ARSB: variants seen among roughly 807,000 people sequenced by gnomAD.
ARSB encodes arylsulfatase B, also known as N-acetylgalactosamine-4-sulfatase.
Under a neutral mutation model 50.9 loss-of-function variants are expected in ARSB, and 41 were observed. The observed-to-expected ratio is 0.81, with a 90% CI of 0.63 to 1.04. ARSB has a LOEUF of 1.04. Among genes scored for constraint, ARSB ranks in the 50% least tolerant of loss-of-function variants. ARSB has a pLI of 0.00. For missense variants in ARSB, 672 were observed against 693.3 expected (o/e 0.97, Z 0.35); for synonymous variants, 269 against 284.8 (o/e 0.94, Z 0.56).
chr5:78,939,514 T>C (rs1010338885), intron 4 of ARSB, among the ~76,000 whole-genome samples: 4 of 152,104 alleles, frequency 2.6e-5, no homozygotes, highest in Non-Finnish European at 2.9e-5. Flanking sequence ...TTCCCACCTA[T>C]GAGTGAGAAC....
chr5:78,897,240 T>C (rs746768518), intron 4 of ARSB, among the ~76,000 whole-genome samples: 7 of 152,214 alleles, frequency 4.6e-5, no homozygotes, highest in Non-Finnish European at 8.8e-5. Flanking sequence ...ATTTTGTAAG[T>C]TGTACAGGAC....
At chr5:78,970,196 A>G (rs1460665822) in intron 1 of ARSB, among the ~76,000 whole-genome samples, 1 of 152,164 alleles carries the variant, frequency 6.6e-6, no homozygotes, top group African/African-American at 2.4e-5. Context: ...CCAACTACAC[A>G]TCTTTGTGGG....
At chr5:78,861,373 G>A (rs570462636) in intron 5 of ARSB, among the ~76,000 whole-genome samples, 1 of 152,154 alleles carries the variant, frequency 6.6e-6, no homozygotes, top group Non-Finnish European at 1.5e-5. Context: ...ATAAAATACT[G>A]GCAAACCGAA....
At chr5:78,870,423 C>T (rs1425890959) in intron 5 of ARSB, among the ~76,000 whole-genome samples, 1 of 115,320 alleles carries the variant, frequency 8.7e-6, no homozygotes, top group Non-Finnish European at 1.9e-5. Flanking sequence ...CAATAAAATA[C>T]TGGCAAACCA....
At chr5:78,816,195 CAGG>C in intron 6 of ARSB, 1 of 1,612,168 alleles carries the variant, frequency 6.2e-7, no homozygotes, top group Non-Finnish European at 8.5e-7. Context: ...ATTTCTAGTC[CAGG>C]AGATTTCTTA....
At chr5:78,813,771 A>C (rs1743898170) in intron 6 of ARSB, among the ~76,000 whole-genome samples, 1 of 152,110 alleles carries the variant, frequency 6.6e-6, no homozygotes, top group Non-Finnish European at 1.5e-5. Context: ...ACAAAAAAAA[A>C]AGCAGTGATT....
intron 4 of ARSB, among the ~76,000 whole-genome samples, chr5:78,953,430 T>C (rs1040552654): frequency 6.6e-6 from 1 of 152,236 alleles, no homozygotes; most frequent in African/African-American, 2.4e-5. Context: ...TCCCAGAGAA[T>C]CCATTATCAT....
intron 6 of ARSB, among the ~76,000 whole-genome samples, chr5:78,807,865 G>A (rs543578282): frequency 6.6e-6 from 1 of 151,926 alleles, no homozygotes; most frequent in African/African-American, 2.4e-5. Context: ...AGGCCGAGGC[G>A]GGCGGATCAC....
chr5:78,841,772 T>A lies in ARSB; in HGVS notation c.1143-2346A>T, dbSNP rs529363795. 2.6e-5 allele frequency among the ~76,000 whole-genome samples: 4 copies of A among 152,282 alleles called. No individual in the cohort carries two copies. In the East Asian group the frequency reaches 7.7e-4, roughly 29 times the overall value. The stretch of plus-strand genomic sequence containing the variant: ...AAGTAAATTTAATACGATGAGATGA[T>A]TTTTTGAAACCAAGCGTTGTGTATA... On this transcript the variant is annotated intron_variant, in intron 5 of 7. Transcript: ENST00000264914.
intron 4 of ARSB, among the ~76,000 whole-genome samples, chr5:78,948,042 C>T (rs922394584): frequency 5.7e-4 from 86 of 152,184 alleles, no homozygotes; most frequent in African/African-American, 2.0e-3. Context: ...CAAAGACAAA[C>T]ATCACATGTT....
chr5:78,931,305 G>A (rs1750315833), intron 4 of ARSB, among the ~76,000 whole-genome samples: 2 of 152,124 alleles, frequency 1.3e-5, no homozygotes, highest in South Asian at 4.1e-4. Flanking sequence ...TTCTAGAAGA[G>A]ATGAGTATAA....
At chr5:78,887,740 A>G (rs1355425325) in intron 4 of ARSB, among the ~76,000 whole-genome samples, 2 of 152,222 alleles carry the variant, frequency 1.3e-5, no homozygotes, top group African/African-American at 2.4e-5. Flanking sequence ...TAGGATTCCA[A>G]CAAGGTCTGT....
intron 4 of ARSB, among the ~76,000 whole-genome samples, chr5:78,929,484 T>C (rs1023419217): frequency 6.6e-6 from 1 of 152,008 alleles, no homozygotes; most frequent in Middle Eastern, 3.2e-3. Context: ...ACCATGATTC[T>C]AGGTGTGCTT....
chr5:78,830,644 G>A (rs1438191546), intron 6 of ARSB, among the ~76,000 whole-genome samples: 3 of 152,150 alleles, frequency 2.0e-5, no homozygotes, highest in Admixed American at 6.5e-5. Context: ...GGGTGGAGGG[G>A]ATACGAGGCT....
rs769996056 is a variant in ARSB, at chr5:78,780,608, G to A, written c.1391C>T (p.Ser464Leu). 6.8e-6 allele frequency: 11 copies of A among 1,614,168 alleles called. 1 individual carries two copies. The Admixed American group carries it at 1.0e-4, about 15-fold the overall frequency. ...GAGGGTCTTGGTTGGTGGGTCTGATGAGGGTATCTCAGAAACATTGTATTG... is the reference window on the plus strand; with the variant it reads ...GAGGGTCTTGGTTGGTGGGTCTGATAAGGGTATCTCAGAAACATTGTATTG... ...PSQYNVSEIP[S>L]SDPPTKTLWL... Residue 464 changes from serine (S) to leucine (L), a missense_variant, in exon 8 of 8, where the codon TCA (serine) becomes TTA (leucine). Physicochemically the swap from Ser to Leu is moderately radical, Grantham distance 145. Transcript: ENST00000264914.
At chr5:78,904,528 T>C (rs1369905308) in intron 4 of ARSB, among the ~76,000 whole-genome samples, 1 of 152,046 alleles carries the variant, frequency 6.6e-6, no homozygotes, top group Non-Finnish European at 1.5e-5. Context: ...ATTATTCCTT[T>C]ATATATTTTT....
intron 5 of ARSB, among the ~76,000 whole-genome samples, chr5:78,848,189 G>C (rs1445330237): frequency 6.7e-6 from 1 of 149,552 alleles, no homozygotes; most frequent in African/African-American, 2.5e-5. Context: ...TTTAGCATTA[G>C]GTATATCTCC....
At chr5:78,980,272 C>T (rs573357967) in intron 1 of ARSB, among the ~76,000 whole-genome samples, 2 of 152,284 alleles carry the variant, frequency 1.3e-5, no homozygotes, top group South Asian at 2.1e-4. Context: ...TAAATTGGTA[C>T]AATCCCTTAA....
At chr5:78,945,200 G>A (rs1751160117) in intron 4 of ARSB, among the ~76,000 whole-genome samples, 1 of 152,154 alleles carries the variant, frequency 6.6e-6, no homozygotes. Context: ...AGTAGGAAAG[G>A]GAATTCCCTG....
Sources: allele counts gnomAD v4.1 joint callset (sites outside exome capture counted in the v4.1 genomes callset), GRCh38; gene constraint gnomAD v4.1.1; transcripts MANE v1.5; gene names NCBI Gene and HGNC (gene_info 2026-07-23, HGNC 2026-07-21).